The following CHST8 variants were observed in gnomAD, a reference collection of about 807,000 sequenced individuals.
The protein encoded by CHST8 is GALNAC-4-ST1.
In CHST8, 10 loss-of-function variants were observed where a neutral mutation model predicts 15.0. The observed-to-expected ratio is 0.67, with a 90% CI of 0.41 to 1.13. The LOEUF (loss-of-function observed/expected upper bound fraction) is 1.13. CHST8 is among the 50% of genes most tolerant of loss of function. CHST8 has a pLI of 0.00. For missense variants in CHST8, 634 were observed against 608.2 expected, an observed-to-expected ratio of 1.04 and a Z score of -0.45; for synonymous variants, 259 against 256.6, an observed-to-expected ratio of 1.01 and a Z score of -0.09.
chr19:33,693,305 C>G (rs147754608), intron 3 of CHST8, among the ~76,000 whole-genome samples: 1 of 152,146 alleles, frequency 6.6e-6, no homozygotes, highest in African/African-American at 2.4e-5. Context: ...CGTGCCCAGC[C>G]TCAGCCATAA....
At chr19:33,751,450 A>G (rs369298) in intron 3 of CHST8, among the ~76,000 whole-genome samples, 79,366 of 152,190 alleles carry the variant, frequency 0.52, 20,919 homozygotes, top group Non-Finnish European at 0.54. Context: ...GGCATAGGTA[A>G]GTCACCTTCT....
At chr19:33,719,274 G>A (rs914914613) in intron 3 of CHST8, among the ~76,000 whole-genome samples, 6 of 152,196 alleles carry the variant, frequency 3.9e-5, no homozygotes, top group Non-Finnish European at 7.3e-5. Context: ...AGCCCTGGGC[G>A]GGGAGGCAGG....
At chr19:33,757,384 AAAG>A (rs200759461) in intron 3 of CHST8, among the ~76,000 whole-genome samples, 1,463 of 104,706 alleles carry the variant, frequency 0.014, 61 homozygotes, top group Middle Eastern at 0.022. Flanking sequence ...GGTCTCAAAA[AAAG>A]AAGAAAGAAA....
intron 3 of CHST8, among the ~76,000 whole-genome samples, chr19:33,739,781 G>T (rs1363762091): frequency 1.3e-5 from 2 of 152,142 alleles, no homozygotes; most frequent in Non-Finnish European, 2.9e-5. Flanking sequence ...AGTGGAGAAT[G>T]AGAGCTCTCT....
chr19:33,670,220 C>T (rs528822584), intron 2 of CHST8, among the ~76,000 whole-genome samples: 2 of 152,292 alleles, frequency 1.3e-5, no homozygotes, highest in African/African-American at 4.8e-5. Flanking sequence ...AACCCCAATG[C>T]ATTGAGTGCC....
chr19:33,648,504 C>T (rs1972384330), intron 1 of CHST8, among the ~76,000 whole-genome samples: 1 of 152,014 alleles, frequency 6.6e-6, no homozygotes, highest in African/African-American at 2.4e-5. Context: ...TTTTTTTCCG[C>T]TTAGCATAAT....
intron 1 of CHST8, among the ~76,000 whole-genome samples, chr19:33,665,030 G>C (rs1156801860): frequency 6.6e-6 from 1 of 152,154 alleles, no homozygotes; most frequent in Non-Finnish European, 1.5e-5. Flanking sequence ...TTCACATCTT[G>C]ACTATTGTGA....
chr19:33,655,342 T>C (rs1972498349), intron 1 of CHST8, among the ~76,000 whole-genome samples: 1 of 152,214 alleles, frequency 6.6e-6, no homozygotes, highest in Non-Finnish European at 1.5e-5. Flanking sequence ...CAGCCTTCCA[T>C]GTCCTTTTAT....
At chr19:33,633,009 T>C (rs1474831830) in intron 1 of CHST8, among the ~76,000 whole-genome samples, 4 of 151,982 alleles carry the variant, frequency 2.6e-5, no homozygotes, top group Non-Finnish European at 5.9e-5. Flanking sequence ...TTTTGTATTT[T>C]TAGTAGAGAC....
chr19:33,694,169 C>CATAT (rs397842550), intron 3 of CHST8, among the ~76,000 whole-genome samples: 48 of 40,156 alleles, frequency 1.2e-3, no homozygotes, highest in Non-Finnish European at 1.5e-3. Context: ...GTAGTTTATT[C>CATAT]ATATATATAT....
At chr19:33,625,373 G>C (rs1432623861) in intron 1 of CHST8, among the ~76,000 whole-genome samples, 1 of 151,396 alleles carries the variant, frequency 6.6e-6, no homozygotes, top group East Asian at 2.0e-4. Context: ...GAGCTACCGC[G>C]CCCCGCATGG....
chr19:33,764,524 T>C (rs894212551), intron 3 of CHST8, among the ~76,000 whole-genome samples: 19 of 151,934 alleles, frequency 1.3e-4, no homozygotes, highest in African/African-American at 4.6e-4. Context: ...AAAAAAACAC[T>C]CTTAAAGCCC....
At chr19:33,731,907 TCATG>T (rs1489691637) in intron 3 of CHST8, among the ~76,000 whole-genome samples, 1 of 152,070 alleles carries the variant, frequency 6.6e-6, no homozygotes, top group African/African-American at 2.4e-5. Flanking sequence ...TCCAAGAAGC[TCATG>T]GACTCAGGGA....
At chr19:33,723,366 G>A (rs1462061603) in intron 3 of CHST8, among the ~76,000 whole-genome samples, 3 of 152,206 alleles carry the variant, frequency 2.0e-5, no homozygotes, top group African/African-American at 7.2e-5. Flanking sequence ...GTGTGTGCAC[G>A]CGTGTGTCTA....
chr19:33,639,427 T>C (rs78674262), intron 1 of CHST8, among the ~76,000 whole-genome samples: 4,266 of 152,210 alleles, frequency 0.028, 84 homozygotes, highest in East Asian at 0.049. Flanking sequence ...AGGAGGAGCC[T>C]CTCAGCATCG....
chr19:33,634,636 G>C (rs556692383), intron 1 of CHST8, among the ~76,000 whole-genome samples: 1 of 140,222 alleles, frequency 7.1e-6, no homozygotes, highest in Non-Finnish European at 1.5e-5. Context: ...TTGACCCATT[G>C]GTCCTTCTAG....
chr19:33,723,067 C>A (rs1203422817), intron 3 of CHST8, among the ~76,000 whole-genome samples: 2 of 152,240 alleles, frequency 1.3e-5, no homozygotes, highest in African/African-American at 4.8e-5. Flanking sequence ...ACCAGCCTGG[C>A]TCACATTTCC....
intron 1 of CHST8, among the ~76,000 whole-genome samples, chr19:33,643,054 A>G (rs77388515): frequency 0.03 from 4,636 of 152,280 alleles, 107 homozygotes; most frequent in East Asian, 0.051. Context: ...GCATGTTGAC[A>G]TGAACCTTCT....
At position 33,716,026 on chromosome 19, in the gene CHST8, G is replaced by A. The variant is rs146790398; in HGVS notation, c.130+26635G>A. ...TCTACCAGACCCTTCTTATAGATGC[G>A]TCATTTGCAAAAACAAAAACAGTCT... On this transcript the variant is annotated intron_variant, in intron 3 of 4. Transcript: ENST00000650847. Among the ~76,000 whole-genome samples the A allele has an allele frequency of 6.7e-3, 1,014 of 152,274 alleles. 38 individuals carry two copies. Among genetic ancestry groups the A allele is most frequent in the Admixed American group, 0.062 (941 of 15,290 alleles).
Sources: gnomAD v4.1 joint callset for allele counts (sites outside exome capture counted in the v4.1 genomes callset) on GRCh38, gnomAD v4.1.1 for gene constraint, MANE v1.5 for transcripts, NCBI Gene and HGNC (gene_info 2026-07-23, HGNC 2026-07-21) for gene names.